GPM6A: variants seen among roughly 807,000 people sequenced by gnomAD.
GPM6A encodes the protein neuronal membrane glycoprotein M6-a.
A neutral mutation model predicts 32.1 loss-of-function variants in GPM6A; 7 were observed. The ratio of observed to expected loss-of-function variants is 0.22; its 90% CI spans 0.12 to 0.41. The LOEUF (loss-of-function observed/expected upper bound fraction) is 0.41, where lower values mean the gene tolerates loss of function less well. Among genes scored for constraint, GPM6A ranks in the 10% least tolerant of loss-of-function variants. The pLI is 1.00. For missense variants in GPM6A, 235 were observed against 347.2 expected (o/e 0.68, Z 2.57); for synonymous variants, 130 against 123.4 (o/e 1.05, Z -0.35).
chr4:175,748,244 AATGGC>A (rs1732185676), intron 1 of GPM6A, among the ~76,000 whole-genome samples: 1 of 152,186 alleles, frequency 6.6e-6, no homozygotes, highest in Admixed American at 6.6e-5. Context: ...AAATGTTCTT[AATGGC>A]ACCTAGATTG....
In GPM6A at chr4:175,775,276, C is replaced by T. The variant is rs147192650; in HGVS notation, c.37+36915G>A. On this transcript the variant is annotated intron_variant, in intron 1 of 6. Coordinates refer to ENST00000393658, the MANE Select transcript of GPM6A (RefSeq NM_201591.3). Reference sequence around the variant, plus strand: ...AAAATTAAAAAATCTAGACTCAGTCCGGTATAAAACACAGATCTGATGAAG... The same window carrying T: ...AAAATTAAAAAATCTAGACTCAGTCTGGTATAAAACACAGATCTGATGAAG... Among the ~76,000 whole-genome samples, 1,115 of 152,052 alleles carry T rather than the reference C, an allele frequency of 7.3e-3. 9 individuals are homozygous for T. Among genetic ancestry groups the T allele is most frequent in the Non-Finnish European group, 0.012 (806 of 67,950 alleles).
rs181987675 is a variant in GPM6A, at chr4:175,767,529, T to C, written c.37+44662A>G. ...TAGTGTTTTAACCAGAAATCCAGCA[T>C]GTTTTAGAAAACAGATTTTTTTAGA... On this transcript the variant is annotated intron_variant, in intron 1 of 6. Transcript: ENST00000393658. Among the ~76,000 whole-genome samples the C allele has an allele frequency of 1.4e-4, 21 of 152,348 alleles. 1 individual carries two copies. The East Asian group carries it at 4.1e-3, about 29-fold the overall frequency.
chr4:175,686,456 A>G (rs992130378), intron 2 of GPM6A, among the ~76,000 whole-genome samples: 2 of 152,194 alleles, frequency 1.3e-5, no homozygotes, highest in Non-Finnish European at 2.9e-5. Context: ...TGGGGCCTCA[A>G]TGCAAGCTCA....
At chr4:175,720,557 C>G (rs1746067615) in intron 1 of GPM6A, among the ~76,000 whole-genome samples, 2 of 152,110 alleles carry the variant, frequency 1.3e-5, no homozygotes, top group South Asian at 2.1e-4. Flanking sequence ...AACTAGTTCT[C>G]AAGACTAAGG....
chr4:175,793,100 C>T (rs1183913359), intron 1 of GPM6A, among the ~76,000 whole-genome samples: 1 of 152,116 alleles, frequency 6.6e-6, no homozygotes, highest in Non-Finnish European at 1.5e-5. Context: ...AAAAAGTTAT[C>T]CATGCTAATA....
chr4:175,852,928 C>A lies in GPM6A; in HGVS notation c.-22-40679G>T, dbSNP rs549477847. On this transcript the variant is annotated intron_variant, in intron 1 of 7. Coordinates refer to the GPM6A transcript ENST00000280187. ...AACGAATAGATTATGTAATGTCCAGCAAAATGTCTCAATCGATGCGCAATA... is the reference window on the plus strand; with the variant it reads ...AACGAATAGATTATGTAATGTCCAGAAAAATGTCTCAATCGATGCGCAATA... Among the ~76,000 whole-genome samples the A allele has an allele frequency of 7.9e-5, 12 of 152,208 alleles. No individual in the cohort carries two copies. The East Asian group carries it at 2.3e-3, about 29-fold the overall frequency.
At chr4:175,954,034 A>G (rs1561009914) in intron 1 of GPM6A, among the ~76,000 whole-genome samples, 1 of 152,234 alleles carries the variant, frequency 6.6e-6, no homozygotes, top group Non-Finnish European at 1.5e-5. Flanking sequence ...ACTGGGTGAT[A>G]GAAATTTGTT....
intron 1 of GPM6A, among the ~76,000 whole-genome samples, chr4:175,714,166 A>C (rs1216667979): frequency 6.6e-6 from 1 of 152,178 alleles, no homozygotes; most frequent in Non-Finnish European, 1.5e-5. Flanking sequence ...CAAGATATGC[A>C]AGCCACGCAG....
At chr4:175,864,081 T>A (rs1237289612) in intron 1 of GPM6A, among the ~76,000 whole-genome samples, 1 of 152,204 alleles carries the variant, frequency 6.6e-6, no homozygotes, top group African/African-American at 2.4e-5. Context: ...ATGTTGACCT[T>A]CTAGTGGGTT....
At chr4:175,758,106 G>C (rs1054110445) in intron 1 of GPM6A, among the ~76,000 whole-genome samples, 9 of 152,132 alleles carry the variant, frequency 5.9e-5, no homozygotes, top group African/African-American at 1.4e-4. Flanking sequence ...TCCCCAGGGA[G>C]TGATCCAAAG....
chr4:175,974,904 A>T (rs1740614857), intron 1 of GPM6A, among the ~76,000 whole-genome samples: 1 of 152,030 alleles, frequency 6.6e-6, no homozygotes, highest in African/African-American at 2.4e-5. Flanking sequence ...GGCTGGTCTC[A>T]AACTCCTGGG....
At chr4:175,836,663 T>C (rs1461088246) in intron 1 of GPM6A, among the ~76,000 whole-genome samples, 2 of 151,966 alleles carry the variant, frequency 1.3e-5, no homozygotes, top group Admixed American at 6.6e-5. Context: ...GGCAGGAATA[T>C]GTTAGAAAAT....
chr4:175,792,568 C>A (rs1445544052), intron 1 of GPM6A, among the ~76,000 whole-genome samples: 2 of 151,830 alleles, frequency 1.3e-5, no homozygotes, highest in African/African-American at 4.8e-5. Context: ...AAAATAACAA[C>A]TAAGTTTACT....
chr4:175,714,770 G>A (rs116742233), intron 1 of GPM6A, among the ~76,000 whole-genome samples: 3 of 146,538 alleles, frequency 2.0e-5, no homozygotes, highest in East Asian at 1.9e-4. Context: ...CATTCAGACC[G>A]TTTTTTTTTA....
intron 1 of GPM6A, among the ~76,000 whole-genome samples, chr4:175,728,965 T>C: frequency 6.8e-6 from 1 of 146,278 alleles, no homozygotes; most frequent in East Asian, 2.1e-4. Context: ...TCTTAAGGTG[T>C]ATGATCTACA....
intron 1 of GPM6A, among the ~76,000 whole-genome samples, chr4:175,789,795 G>A (rs1254113155): frequency 6.6e-6 from 1 of 152,084 alleles, no homozygotes; most frequent in Non-Finnish European, 1.5e-5. Context: ...CCCTAAATTT[G>A]GCTATGGCAG....
chr4:175,964,239 AAGAG>A (rs557897463), intron 1 of GPM6A, among the ~76,000 whole-genome samples: 233 of 152,180 alleles, frequency 1.5e-3, no homozygotes, highest in African/African-American at 5.4e-3. Flanking sequence ...CTCAAAAAAA[AAGAG>A]AGAGACTAAG....
intron 1 of GPM6A, among the ~76,000 whole-genome samples, chr4:175,737,938 C>CT (rs796345427): frequency 0.015 from 2,076 of 139,888 alleles, 25 homozygotes; most frequent in Middle Eastern, 0.056. Flanking sequence ...CACTAGGTCC[C>CT]TTTTTTTTTT....
At chr4:175,954,876 A>G (rs1739934697) in intron 1 of GPM6A, among the ~76,000 whole-genome samples, 1 of 152,256 alleles carries the variant, frequency 6.6e-6, no homozygotes, top group Non-Finnish European at 1.5e-5. Flanking sequence ...AAAGAGAGAT[A>G]GCCAGGGACT....
Sources: gnomAD v4.1 joint callset for allele counts (sites outside exome capture counted in the v4.1 genomes callset) on GRCh38, gnomAD v4.1.1 for gene constraint, MANE v1.5 for transcripts, NCBI Gene and HGNC (gene_info 2026-07-23, HGNC 2026-07-21) for gene names.